Variants in CCDC171 observed in about 807,000 individuals in gnomAD.
The protein encoded by CCDC171 is coiled-coil domain containing 171, also known as coiled-coil domain-containing protein 171.
A neutral mutation model predicts 168.2 loss-of-function variants in CCDC171; 177 were observed. The observed-to-expected ratio is 1.05, with a 90% CI of 0.93 to 1.19. The LOEUF is 1.19. Among genes scored for constraint, CCDC171 ranks in the 50% most tolerant of loss-of-function variants. CCDC171 has a pLI of 0.00. For missense variants in CCDC171, 1,991 were observed against 1,539.0 expected, an observed-to-expected ratio of 1.29 and a Z score of -4.91; for synonymous variants, 687 against 540.8, an observed-to-expected ratio of 1.27 and a Z score of -3.75.
rs189983042 is a variant in CCDC171, at chr9:15,913,322, A to G, written c.3601-6948A>G. Among the ~76,000 whole-genome samples, 225 of 152,144 alleles carry G rather than the reference A, an allele frequency of 1.5e-3. 1 individual carries two copies. In the Middle Eastern group the frequency reaches 0.037, roughly 25 times the overall value. On this transcript the variant is annotated intron_variant, in intron 24 of 25. Transcript: ENST00000380701. ...TCTTCTAGTTTATTTGCATAGGGGT[A>G]TTTATAGTATTCTCTGATGGTAGTT...
At chr9:16,065,173 C>T (rs1047540769), downstream of CCDC171, among the ~76,000 whole-genome samples, 1 of 152,214 alleles carries the variant, frequency 6.6e-6, no homozygotes. Context: ...ATAAAATTTT[C>T]ATAAGGGAAC....
chr9:15,610,025 C>T (rs945137474), intron 6 of CCDC171, among the ~76,000 whole-genome samples: 3 of 151,914 alleles, frequency 2.0e-5, no homozygotes, highest in Admixed American at 6.6e-5. Flanking sequence ...ATATTGCAGC[C>T]TTTCTATTAC....
intron 25 of CCDC171, among the ~76,000 whole-genome samples, chr9:15,923,316 C>T (rs759314303): frequency 1.8e-4 from 28 of 151,372 alleles, no homozygotes; most frequent in Admixed American, 4.6e-4. Flanking sequence ...AAATACTATT[C>T]AGTCGTAAAA....
At chr9:15,651,138 C>A (rs575010424) in intron 7 of CCDC171, among the ~76,000 whole-genome samples, 24 of 149,124 alleles carry the variant, frequency 1.6e-4, no homozygotes, top group Admixed American at 6.7e-5. Context: ...GAGATGAAGT[C>A]TCACTGTCTC....
chr9:15,791,035 C>T (rs1362362947), intron 21 of CCDC171, among the ~76,000 whole-genome samples: 2 of 152,158 alleles, frequency 1.3e-5, no homozygotes, highest in Non-Finnish European at 2.9e-5. Context: ...TAGCGTGATG[C>T]CTCCAGCTTT....
intron 3 of CCDC171, among the ~76,000 whole-genome samples, chr9:16,013,378 G>A (rs1384423952): frequency 2.0e-5 from 3 of 152,136 alleles, no homozygotes; most frequent in Non-Finnish European, 4.4e-5. Context: ...CCCAGGTGTA[G>A]TTCTCTTTAT....
In CCDC171 at chr9:15,635,144, A is replaced by G. The variant is rs139708856; in HGVS notation, c.822+11731A>G. 1.1e-4 allele frequency among the ~76,000 whole-genome samples: 17 copies of G among 152,284 alleles called. 1 individual carries two copies. Among genetic ancestry groups the G allele is most frequent in the African/African-American group, 3.8e-4 (16 of 41,566 alleles). ...GAGTTTGTTAGGAGAATTGACTTAC[A>G]CTATCACAAGTTGAAGTTCCACAAT... On this transcript the variant is annotated intron_variant, in intron 7 of 25. Coordinates refer to ENST00000380701, the MANE Select transcript of CCDC171 (RefSeq NM_173550.4).
intron 24 of CCDC171, among the ~76,000 whole-genome samples, chr9:15,884,856 C>T (rs530668448): frequency 6.6e-6 from 1 of 152,082 alleles, no homozygotes; most frequent in Non-Finnish European, 1.5e-5. Context: ...TATAAAAGGC[C>T]TAAGGTCAGG....
chr9:15,753,017 C>T (rs1185697782), intron 18 of CCDC171, among the ~76,000 whole-genome samples: 1 of 151,828 alleles, frequency 6.6e-6, no homozygotes, highest in Non-Finnish European at 1.5e-5. Context: ...TTTTTCTTGT[C>T]ACTGTGTTAT....
chr9:15,732,143 G>C (rs892707602), intron 16 of CCDC171, among the ~76,000 whole-genome samples: 4 of 151,878 alleles, frequency 2.6e-5, no homozygotes, highest in Admixed American at 2.6e-4. Context: ...TCTCTTGCTT[G>C]CCTTTTCAGT....
chr9:16,020,619 T>G (rs889830396), exon 4 of CCDC171: 3 of 154,366 alleles, frequency 1.9e-5, no homozygotes. Flanking sequence ...GGAGCTATGA[T>G]TGAGTAAAAT....
the CCDC171 span, among the ~76,000 whole-genome samples, chr9:16,082,469 A>G: frequency 0.13 from 19,886 of 152,166 alleles, 1,417 homozygotes; most frequent in African/African-American, 0.17. Flanking sequence ...CTGAATTCCA[A>G]GTTATCTTTG....
At chr9:15,600,957 G>T (rs910447369) in intron 6 of CCDC171, among the ~76,000 whole-genome samples, 5 of 152,218 alleles carry the variant, frequency 3.3e-5, no homozygotes, top group African/African-American at 4.8e-5. Flanking sequence ...ACAATCTCCT[G>T]GTGTGCCGTT....
At chr9:16,044,427 A>G (rs1833621983) in intron 1 of CCDC171, among the ~76,000 whole-genome samples, 1 of 152,016 alleles carries the variant, frequency 6.6e-6, no homozygotes. Context: ...GCTCATATAC[A>G]TAGGGTTTTC....
chr9:16,099,479 A>C, the CCDC171 span, among the ~76,000 whole-genome samples: 2 of 152,232 alleles, frequency 1.3e-5, no homozygotes, highest in African/African-American at 4.8e-5. Context: ...CCTGAAGACG[A>C]ATCAGCTGTT....
At chr9:15,673,472 T>C (rs1158886028) in intron 9 of CCDC171, among the ~76,000 whole-genome samples, 4 of 152,224 alleles carry the variant, frequency 2.6e-5, no homozygotes, top group Non-Finnish European at 5.9e-5. Flanking sequence ...CAGTATGATA[T>C]TGGCTGTGGG....
intron 3 of CCDC171, 46 bp from the exon 4 acceptor site, chr9:15,578,803 T>G: frequency 6.7e-7 from 1 of 1,490,188 alleles, no homozygotes; most frequent in Non-Finnish European, 9.2e-7. Flanking sequence ...GAGTGTATGA[T>G]CTCATAATCT....
At chr9:15,881,008 A>T (rs1191651779) in intron 24 of CCDC171, among the ~76,000 whole-genome samples, 1 of 152,190 alleles carries the variant, frequency 6.6e-6, no homozygotes, top group Non-Finnish European at 1.5e-5. Context: ...CTTGACAGGT[A>T]TAGACTCTAG....
chr9:15,611,061 A>G (rs1469123595), intron 6 of CCDC171, among the ~76,000 whole-genome samples: 1 of 152,062 alleles, frequency 6.6e-6, no homozygotes, highest in Non-Finnish European at 1.5e-5. Context: ...TCTTGGTACT[A>G]TCCTCATAGT....
Sources: allele counts gnomAD v4.1 joint callset (sites outside exome capture counted in the v4.1 genomes callset), GRCh38; gene constraint gnomAD v4.1.1; transcripts MANE v1.5; gene names NCBI Gene and HGNC (gene_info 2026-07-23, HGNC 2026-07-21).